The following DRC2 variants were observed in gnomAD, a reference collection of about 807,000 sequenced individuals.
The protein encoded by DRC2 is dynein regulatory complex subunit 2, also known as coiled-coil domain containing 65.
chr12:48,916,853 C>G, the DRC2 span: 5 of 895,400 alleles, frequency 5.6e-6, 1 homozygote, highest in South Asian at 1.0e-4. Flanking sequence ...TCTCTCTTTT[C>G]TCCATCAGTA....
At chr12:48,917,322 G>A in the DRC2 span, among the ~76,000 whole-genome samples, 5 of 130,228 alleles carry the variant, frequency 3.8e-5, no homozygotes, top group African/African-American at 1.2e-4. Flanking sequence ...AAAATAGCCA[G>A]GCGTGGTAGT....
chr12:48,913,133 C>CAA, the DRC2 span, among the ~76,000 whole-genome samples: 3,041 of 69,724 alleles, frequency 0.044, 240 homozygotes, highest in African/African-American at 0.16. Flanking sequence ...GACTCCGTCT[C>CAA]AAAAAAAAAA....
the DRC2 span, chr12:48,917,031 A>G: frequency 6.2e-7 from 1 of 1,614,160 alleles, no homozygotes; most frequent in South Asian, 1.1e-5. Flanking sequence ...CTTCATGGCC[A>G]TGGAGCAGAA....
chr12:48,917,543 A>T, the DRC2 span, among the ~76,000 whole-genome samples: 1 of 152,192 alleles, frequency 6.6e-6, no homozygotes, highest in African/African-American at 2.4e-5. Context: ...AACACAGTCA[A>T]TAAAACATCT....
the DRC2 span, among the ~76,000 whole-genome samples, chr12:48,919,232 TTTTC>T: frequency 6.6e-6 from 1 of 151,496 alleles, no homozygotes; most frequent in African/African-American, 2.4e-5. Flanking sequence ...TTTTTTTTTT[TTTTC>T]TTTTTGGTGA....
chr12:48,909,033 T>TTC, the DRC2 span, among the ~76,000 whole-genome samples: 1 of 145,166 alleles, frequency 6.9e-6, no homozygotes, highest in Non-Finnish European at 1.5e-5. Context: ...GTACTTTTCT[T>TTC]TCTCTTTTTT....
the DRC2 span, chr12:48,920,780 A>ATTC: frequency 1.6e-6 from 1 of 635,568 alleles, no homozygotes; most frequent in Non-Finnish European, 2.7e-6. Context: ...AGTGTGTGTT[A>ATTC]CATGGTAACC....
At chr12:48,909,230 A>G in the DRC2 span, among the ~76,000 whole-genome samples, 1 of 150,776 alleles carries the variant, frequency 6.6e-6, no homozygotes, top group Non-Finnish European at 1.5e-5. Flanking sequence ...TTTAGTAGAG[A>G]CGGGGTTTCT....
chr12:48,907,077 TGGTGGC>T, the DRC2 span, among the ~76,000 whole-genome samples: 1 of 151,774 alleles, frequency 6.6e-6, no homozygotes, highest in East Asian at 2.0e-4. Flanking sequence ...TAGCCAGGCG[TGGTGGC>T]GGGCACCTGT....
chr12:48,921,103 G>A, the DRC2 span: 1 of 1,609,922 alleles, frequency 6.2e-7, no homozygotes, highest in Non-Finnish European at 8.5e-7. Context: ...GGGGATGGTG[G>A]GGCATTGGGC....
chr12:48,906,870 C>T, the DRC2 span, among the ~76,000 whole-genome samples: 1 of 151,586 alleles, frequency 6.6e-6, no homozygotes, highest in Non-Finnish European at 1.5e-5. Flanking sequence ...CCAGCCCATA[C>T]CTTATGGATT....
the DRC2 span, among the ~76,000 whole-genome samples, chr12:48,906,307 T>C: frequency 2.6e-5 from 4 of 151,434 alleles, no homozygotes; most frequent in South Asian, 8.3e-4. Context: ...TATGGATTTT[T>C]TTTTTTTTTT....
chr12:48,916,335 C>T, the DRC2 span, among the ~76,000 whole-genome samples: 1 of 152,108 alleles, frequency 6.6e-6, no homozygotes, highest in Non-Finnish European at 1.5e-5. Flanking sequence ...AACCAGACTC[C>T]GTCTGCAATC....
the DRC2 span, chr12:48,917,032 T>C: frequency 6.8e-6 from 11 of 1,613,764 alleles, no homozygotes; most frequent in Middle Eastern, 3.3e-4. Flanking sequence ...TTCATGGCCA[T>C]GGAGCAGAAC....
the DRC2 span, among the ~76,000 whole-genome samples, chr12:48,920,133 A>T: frequency 6.7e-6 from 1 of 149,266 alleles, no homozygotes; most frequent in East Asian, 2.0e-4. Flanking sequence ...AAAAAAAAAA[A>T]AAAAGAATTA....
chr12:48,920,915 T>G, the DRC2 span: 1 of 1,602,508 alleles, frequency 6.2e-7, no homozygotes, highest in Non-Finnish European at 8.5e-7. Flanking sequence ...TAAACTCTCT[T>G]CCCGCTTCAA....
chr12:48,918,168 T>C, the DRC2 span: 1 of 1,037,038 alleles, frequency 9.6e-7, no homozygotes, highest in Non-Finnish European at 1.4e-6. Flanking sequence ...GAGACCTCTG[T>C]ACTAAACTAT....
At chr12:48,913,416 G>A in the DRC2 span, among the ~76,000 whole-genome samples, 2 of 150,482 alleles carry the variant, frequency 1.3e-5, no homozygotes, top group African/African-American at 2.4e-5. Flanking sequence ...CGATTTTCCC[G>A]CCTCAGCCTC....
the DRC2 span, chr12:48,921,004 TTCATCAGTATTGAC>T: frequency 6.2e-7 from 1 of 1,613,942 alleles, no homozygotes; most frequent in Non-Finnish European, 8.5e-7. Context: ...TGCCTTTTTA[TTCATCAGTATTGAC>T]TCCTAAGGAG....
Sources: gnomAD v4.1 joint callset for allele counts (sites outside exome capture counted in the v4.1 genomes callset) on GRCh38, gnomAD v4.1.1 for gene constraint, MANE v1.5 for transcripts, NCBI Gene and HGNC (gene_info 2026-07-23, HGNC 2026-07-21) for gene names.